PRH1: variants seen among roughly 807,000 people sequenced by gnomAD.
PRH1 encodes the protein salivary acidic proline-rich phosphoprotein 1/2.
PRH1 carries 7 observed loss-of-function variants against 7.9 expected under a neutral mutation model. That is an observed-to-expected ratio of 0.89 (90% CI 0.50 to 1.67). PRH1 has a LOEUF of 1.67. Ranked by LOEUF, PRH1 falls within the 40% of genes most tolerant of loss-of-function variation. The pLI is 0.00. For synonymous variants in PRH1, 45 were observed against 80.8 expected (o/e 0.56, Z 2.38); for missense variants, 109 against 223.6 (o/e 0.49, Z 3.27).
chr12:11,142,268 G>A (rs916017886), intron 1 of PRH1, among the ~76,000 whole-genome samples: 3 of 152,166 alleles, frequency 2.0e-5, no homozygotes, highest in Admixed American at 1.3e-4. Context: ...CTTTATAGGT[G>A]AAAAGTCAAC....
chr12:11,129,703 A>G (rs1313366464), intron 1 of PRH1, among the ~76,000 whole-genome samples: 1 of 152,252 alleles, frequency 6.6e-6, no homozygotes, highest in Non-Finnish European at 1.5e-5. Context: ...GATTTGGTGA[A>G]TGGTTCTTAA....
At chr12:11,047,287 A>T (rs1267542376), upstream of PRH1, 8 of 266,454 alleles carry the variant, frequency 3.0e-5, no homozygotes, top group Non-Finnish European at 6.3e-5. Context: ...ATTTCCTATC[A>T]TCAATATATA....
chr12:11,006,874 T>C (rs1940856476), intron 1 of PRH1, among the ~76,000 whole-genome samples: 1 of 152,128 alleles, frequency 6.6e-6, no homozygotes, highest in South Asian at 2.1e-4. Flanking sequence ...TGAATCCTAT[T>C]CCACTGTCTG....
chr12:10,980,859 AT>A (rs1191063578), intron 1 of PRH1, among the ~76,000 whole-genome samples: 2 of 152,248 alleles, frequency 1.3e-5, no homozygotes, highest in African/African-American at 4.8e-5. Flanking sequence ...AGCATGCAAC[AT>A]GAAGACCGAC....
intron 1 of PRH1, among the ~76,000 whole-genome samples, chr12:11,024,922 C>T (rs1190499009): frequency 1.3e-5 from 2 of 152,090 alleles, no homozygotes; most frequent in Non-Finnish European, 2.9e-5. Flanking sequence ...TTGCTATTTG[C>T]ATATATCTTA....
intron 1 of PRH1, among the ~76,000 whole-genome samples, chr12:11,158,306 C>G (rs1947312728): frequency 6.6e-6 from 1 of 152,116 alleles, no homozygotes; most frequent in Non-Finnish European, 1.5e-5. Context: ...CAAAGTAGCA[C>G]TACACATCCA....
chr12:10,978,548 T>C (rs1263509313), intron 1 of PRH1, among the ~76,000 whole-genome samples: 1 of 152,100 alleles, frequency 6.6e-6, no homozygotes, highest in African/African-American at 2.4e-5. Flanking sequence ...CCAAAAGCAA[T>C]TGCAACAAAA....
At chr12:11,152,206 A>G (rs933166306) in intron 1 of PRH1, among the ~76,000 whole-genome samples, 47 of 146,382 alleles carry the variant, frequency 3.2e-4, no homozygotes, top group Non-Finnish European at 4.1e-4. Context: ...AGCATTAGGT[A>G]TATCTCCTAA....
At chr12:11,041,163 T>A (rs1446395553) in intron 1 of PRH1, among the ~76,000 whole-genome samples, 1 of 133,564 alleles carries the variant, frequency 7.5e-6, no homozygotes, top group African/African-American at 2.7e-5. Flanking sequence ...ATAGTTTGGC[T>A]AAATGGAAAA....
Position 10,984,166 on chromosome 12 carries a change from C to T in PRH1, c.-125-10445G>A, listed in dbSNP as rs568033878. Among the ~76,000 whole-genome samples the T allele has an allele frequency of 2.0e-5, 3 of 150,328 alleles. No homozygotes were observed. In the South Asian group the frequency reaches 6.3e-4, roughly 32 times the overall value. On this transcript the variant is annotated intron_variant, in intron 1 of 3. Coordinates refer to the PRH1 transcript ENST00000539853. ...CACAATACAAATATATCATTCACAA[C>T]TGAAAAATTGTATGCAAAGATACCA...
chr12:11,141,805 G>GGAGA (rs1157036869), intron 1 of PRH1, among the ~76,000 whole-genome samples: 1 of 151,942 alleles, frequency 6.6e-6, no homozygotes, highest in African/African-American at 2.4e-5. Context: ...GTGGAGGGAG[G>GGAGA]GAGACAGGGT....
At chr12:11,165,800 T>C (rs1324766874) in intron 1 of PRH1, among the ~76,000 whole-genome samples, 1 of 152,244 alleles carries the variant, frequency 6.6e-6, no homozygotes, top group African/African-American at 2.4e-5. Flanking sequence ...CAGTAACTTG[T>C]GTTTTGGGGA....
intron 2 of PRH1, chr12:10,908,288 G>T: frequency 8.8e-7 from 1 of 1,136,264 alleles, no homozygotes; most frequent in Non-Finnish European, 1.2e-6. Flanking sequence ...AGAAACCAGG[G>T]GAAGCATAAA....
upstream of PRH1, among the ~76,000 whole-genome samples, chr12:11,048,023 G>A (rs1189094414): frequency 2.6e-5 from 4 of 152,026 alleles, no homozygotes; most frequent in Non-Finnish European, 5.9e-5. Context: ...TTCTTCACAT[G>A]AAATACCATA....
intron 1 of PRH1, among the ~76,000 whole-genome samples, chr12:11,101,572 A>C (rs975084521): frequency 6.6e-6 from 1 of 152,180 alleles, no homozygotes; most frequent in Admixed American, 6.5e-5. Context: ...CAAAAACTCT[A>C]ATTACAATGA....
intron 1 of PRH1, among the ~76,000 whole-genome samples, chr12:11,036,085 G>T (rs1416105932): frequency 1.3e-5 from 2 of 152,194 alleles, no homozygotes; most frequent in Non-Finnish European, 2.9e-5. Flanking sequence ...AGTAGAGACA[G>T]GGTTTTACTG....
At chr12:11,151,777 A>G (rs1337026616) in intron 1 of PRH1, among the ~76,000 whole-genome samples, 3 of 152,206 alleles carry the variant, frequency 2.0e-5, no homozygotes, top group Non-Finnish European at 2.9e-5. Context: ...TAAATTTTCT[A>G]TTATAATTGG....
downstream of PRH1, among the ~76,000 whole-genome samples, chr12:11,119,122 T>C (rs1945817556): frequency 6.6e-6 from 1 of 152,004 alleles, no homozygotes. Flanking sequence ...TTGGAGATTA[T>C]TATGTTAAGT....
chr12:10,908,541 A>G, intron 2 of PRH1: 2 of 1,613,996 alleles, frequency 1.2e-6, no homozygotes, highest in Admixed American at 1.7e-5. Context: ...CAGCTCAGAA[A>G]TCCATGATAT....
Sources: gnomAD v4.1 joint callset for allele counts (sites outside exome capture counted in the v4.1 genomes callset) on GRCh38, gnomAD v4.1.1 for gene constraint, MANE v1.5 for transcripts, NCBI Gene and HGNC (gene_info 2026-07-23, HGNC 2026-07-21) for gene names.